Variants in CSMD1 observed in about 807,000 individuals in gnomAD.
The protein encoded by CSMD1 is CUB and sushi domain-containing protein 1.
In CSMD1, 213 loss-of-function variants were observed where a neutral mutation model predicts 417.5. The ratio of observed to expected loss-of-function variants is 0.51; its 90% CI spans 0.46 to 0.57. CSMD1 has a LOEUF of 0.57. Ranked by LOEUF, CSMD1 falls within the 20% of genes least tolerant of loss-of-function variation. CSMD1 has a pLI of 0.00. For missense variants in CSMD1, 6,923 were observed against 4,529.7 expected (o/e 1.53, Z -15.17); for synonymous variants, 2,862 against 1,736.8 (o/e 1.65, Z -16.11).
At chr8:3,149,951 T>A (rs1819091256) in intron 40 of CSMD1, among the ~76,000 whole-genome samples, 1 of 152,196 alleles carries the variant, frequency 6.6e-6, no homozygotes. Context: ...AGAGCGCTAG[T>A]GCTGTGTAAA....
At chr8:4,437,403 A>T (rs895730374) in intron 2 of CSMD1, among the ~76,000 whole-genome samples, 4 of 152,202 alleles carry the variant, frequency 2.6e-5, no homozygotes, top group South Asian at 2.1e-4. Context: ...CATGACTAGC[A>T]AAGTGAGCCA....
intron 6 of CSMD1, among the ~76,000 whole-genome samples, chr8:3,745,496 G>A (rs776519117): frequency 2.6e-5 from 4 of 152,206 alleles, no homozygotes; most frequent in African/African-American, 4.8e-5. Context: ...GGTTCTGCAC[G>A]TGTACAACAG....
At chr8:3,040,332 T>C (rs1231372112) in intron 50 of CSMD1, among the ~76,000 whole-genome samples, 1 of 150,390 alleles carries the variant, frequency 6.6e-6, no homozygotes, top group African/African-American at 2.4e-5. Flanking sequence ...AAATGGATTT[T>C]AACTCTTATT....
At chr8:4,366,215 G>C (rs562634350) in intron 3 of CSMD1, among the ~76,000 whole-genome samples, 3 of 151,416 alleles carry the variant, frequency 2.0e-5, no homozygotes, top group East Asian at 2.0e-4. Flanking sequence ...TAGGATAATG[G>C]TCTTCAACTG....
At position 3,761,839 on chromosome 8, in the gene CSMD1, C is replaced by T. The variant is rs540331063; in HGVS notation, c.819-7797G>A. The stretch of plus-strand genomic sequence containing the variant: ...CACTTTCTACAAGTCATTTCTTCCA[C>T]CCGGAGCGGCACTCATGATTGTCTC... On this transcript the variant is annotated intron_variant, in intron 5 of 69. Transcript: ENST00000635120. Among the ~76,000 whole-genome samples the T allele has an allele frequency of 5.3e-5, 8 of 152,162 alleles. No individual in the cohort carries two copies. In the South Asian group the frequency reaches 1.7e-3, roughly 32 times the overall value.
Position 2,949,398 on chromosome 8 carries a change from GAAAGA to G in CSMD1, c.10315-17_10315-13del, listed in dbSNP as rs5741961. 5.8e-4 allele frequency: 669 copies of G among 1,145,966 alleles called. 1 individual carries two copies. Among genetic ancestry groups the G allele is most frequent in the Non-Finnish European group, 7.7e-4 (608 of 785,722 alleles). 71.0% of individuals were successfully genotyped at this position (1,145,966 alleles called of 1,614,324 possible). ...AGTCCAGATGACACCTGACACATAG[GAAAGA>G]AAAGAAAAGAAATAAAAAGGTATAC... is the stretch of plus-strand genomic sequence containing the variant. On this transcript the variant is annotated splice_polypyrimidine_tract_variant and intron_variant, in intron 67 of 69. Coordinates refer to ENST00000635120, the MANE Select transcript of CSMD1 (RefSeq NM_033225.6).
intron 1 of CSMD1, among the ~76,000 whole-genome samples, chr8:4,928,345 C>A (rs1457016124): frequency 1.3e-5 from 2 of 152,202 alleles, no homozygotes; most frequent in African/African-American, 2.4e-5. Flanking sequence ...TCCGGTATCA[C>A]TGTCTGTGGT....
At chr8:4,049,095 A>G (rs959662533) in intron 3 of CSMD1, among the ~76,000 whole-genome samples, 1 of 152,044 alleles carries the variant, frequency 6.6e-6, no homozygotes. Context: ...ATTTTTTTCT[A>G]TCCTGCTCTC....
chr8:3,541,234 A>T (rs1798425120), intron 10 of CSMD1, among the ~76,000 whole-genome samples: 1 of 152,218 alleles, frequency 6.6e-6, no homozygotes, highest in Non-Finnish European at 1.5e-5. Flanking sequence ...TTGCAGGAAC[A>T]TGGATGAAAC....
intron 10 of CSMD1, among the ~76,000 whole-genome samples, chr8:3,504,904 C>A (rs571840419): frequency 6.6e-6 from 1 of 151,942 alleles, no homozygotes; most frequent in East Asian, 1.9e-4. Flanking sequence ...AAGCAGAACC[C>A]GTCAAAATGC....
At chr8:3,680,049 A>T (rs1212173648) in intron 7 of CSMD1, among the ~76,000 whole-genome samples, 1 of 152,182 alleles carries the variant, frequency 6.6e-6, no homozygotes, top group East Asian at 1.9e-4. Flanking sequence ...TGTAGAGGAA[A>T]ATTTATAACA....
At chr8:3,822,534 C>T (rs1006547269) in intron 5 of CSMD1, among the ~76,000 whole-genome samples, 2 of 152,180 alleles carry the variant, frequency 1.3e-5, no homozygotes, top group Non-Finnish European at 2.9e-5. Flanking sequence ...TTAATGTCTT[C>T]CCCGACAGGC....
chr8:4,123,091 T>C (rs17404676), intron 3 of CSMD1, among the ~76,000 whole-genome samples: 8,709 of 152,264 alleles, frequency 0.057, 362 homozygotes, highest in Non-Finnish European at 0.087. Context: ...GCCAGTGAGA[T>C]TGGAAAACAG....
chr8:2,943,763 G>A (rs901252116), intron 68 of CSMD1, among the ~76,000 whole-genome samples: 2 of 152,166 alleles, frequency 1.3e-5, no homozygotes, highest in African/African-American at 4.8e-5. Flanking sequence ...CTAATTGCAT[G>A]GAGTCACTTA....
chr8:3,139,468 G>A (rs771938093), intron 41 of CSMD1, among the ~76,000 whole-genome samples: 1 of 152,180 alleles, frequency 6.6e-6, no homozygotes, highest in South Asian at 2.1e-4. Flanking sequence ...CAGGAGACAT[G>A]AGAAAGGAAG....
chr8:2,965,658 G>A, intron 59 of CSMD1, 117 bp downstream of exon 59: 4 of 792,732 alleles, frequency 5.0e-6, no homozygotes, highest in East Asian at 5.4e-5. Flanking sequence ...GCAAATTGCT[G>A]TTCAAGAATT....
chr8:3,456,287 A>C (rs937395269), intron 12 of CSMD1, among the ~76,000 whole-genome samples: 1 of 108,284 alleles, frequency 9.2e-6, no homozygotes, highest in African/African-American at 3.7e-5. Context: ...GCCCTGCTTC[A>C]GCTCATGCTT....
chr8:2,958,797 C>T (rs1169651063), intron 62 of CSMD1, among the ~76,000 whole-genome samples: 1 of 152,216 alleles, frequency 6.6e-6, no homozygotes, highest in Non-Finnish European at 1.5e-5. Context: ...TTGTTTCTTG[C>T]TCTGAGAATT....
chr8:3,091,763 T>C, intron 47 of CSMD1, 101 bp from the exon 48 acceptor site: 5 of 925,750 alleles, frequency 5.4e-6, no homozygotes, highest in Non-Finnish European at 7.9e-6. Flanking sequence ...ACGTGTGCAA[T>C]ACACAGATAT....
Sources: allele counts gnomAD v4.1 joint callset (sites outside exome capture counted in the v4.1 genomes callset), GRCh38; gene constraint gnomAD v4.1.1; transcripts MANE v1.5; gene names NCBI Gene and HGNC (gene_info 2026-07-23, HGNC 2026-07-21).